Variants in ATP6V0A2 observed in about 807,000 individuals in gnomAD.
The protein encoded by ATP6V0A2 is ATPase H+ transporting V0 subunit a2, also known as V-type proton ATPase 116 kDa subunit a 2.
In ATP6V0A2, 58 loss-of-function variants were observed where a neutral mutation model predicts 104.4. That is an observed-to-expected ratio of 0.56 (90% CI 0.45 to 0.69). ATP6V0A2 has a LOEUF of 0.69. Ranked by LOEUF, ATP6V0A2 falls within the 30% of genes least tolerant of loss-of-function variation. The probability of loss-of-function intolerance (pLI) is 0.00; values close to 1 mark genes in which losing one functional copy is unlikely to be tolerated. For synonymous variants in ATP6V0A2, 376 were observed against 397.9 expected (o/e 0.95, Z 0.65); for missense variants, 938 against 1,062.9 (o/e 0.88, Z 1.63).
At chr12:123,724,927 T>C in intron 4 of ATP6V0A2, 136 bp downstream of exon 4, 1 of 569,990 alleles carries the variant, frequency 1.8e-6, no homozygotes, top group Non-Finnish European at 2.7e-6. Context: ...AATTTATTTA[T>C]TTATTTAATT....
chr12:123,734,627 G>A (rs539864236), intron 7 of ATP6V0A2, among the ~76,000 whole-genome samples: 60 of 152,342 alleles, frequency 3.9e-4, no homozygotes, highest in African/African-American at 1.4e-3. Flanking sequence ...ACAATAATCT[G>A]TGACTTAACT....
At position 123,743,753 on chromosome 12, in the gene ATP6V0A2, T is replaced by A. The variant is rs117654599; in HGVS notation, c.1039-32T>A. ...GGATAGTTATTTTCTTCTTGGATAG[T>A]AATTTTTTATCTTTCCTTGTTTATG... On this transcript the variant is annotated intron_variant, in intron 9 of 19. Transcript: ENST00000330342. 0.012 allele frequency: 19,112 copies of A among 1,612,700 alleles called. 152 individuals are homozygous for A. Among genetic ancestry groups the A allele is most frequent in the Non-Finnish European group, 0.014 (16,184 of 1,178,660 alleles).
chr12:123,735,024 T>C (rs984935163), intron 7 of ATP6V0A2, among the ~76,000 whole-genome samples: 9 of 152,240 alleles, frequency 5.9e-5, no homozygotes, highest in South Asian at 2.1e-4. Context: ...TGGCTGCAGT[T>C]TGGGGACACA....
At chr12:123,730,683 G>GT (rs1956493833) in intron 6 of ATP6V0A2, 1 of 152,136 alleles carries the variant, frequency 6.6e-6, no homozygotes, top group Non-Finnish European at 1.5e-5. Context: ...TATTTTTTGA[G>GT]TTTTTTCTTT....
intron 2 of ATP6V0A2, chr12:123,721,534 G>C (rs181804530): frequency 5.5e-6 from 1 of 182,420 alleles, no homozygotes; most frequent in Non-Finnish European, 1.2e-5. Context: ...TGCAGGTGTG[G>C]TCTGAGGTGC....
intron 18 of ATP6V0A2, chr12:123,756,574 C>T: frequency 1.9e-6 from 1 of 540,234 alleles, no homozygotes; most frequent in Non-Finnish European, 3.3e-6. Flanking sequence ...TGGGGCAAGA[C>T]CTCCCTTTGG....
chr12:123,724,368 A>G (rs1956427964), intron 3 of ATP6V0A2: 1 of 268,166 alleles, frequency 3.7e-6, no homozygotes, highest in Non-Finnish European at 6.6e-6. Context: ...TACTAACAAT[A>G]CAAAAAAAAA....
rs767462482 is a variant in ATP6V0A2, at chr12:123,743,808, C to T, written c.1062C>T (p.Pro354=). 1.2e-6 allele frequency: 2 copies of T among 1,614,124 alleles called. No homozygotes were observed. The highest frequency in any genetic ancestry group is 1.3e-5 in the African/African-American group (1 of 75,022). The change falls in exon 10 of 20, where the codon CCC becomes CCT. Residue 354 remains proline, a synonymous_variant. Coordinates refer to ENST00000330342, the MANE Select transcript of ATP6V0A2 (RefSeq NM_012463.4). The stretch of plus-strand genomic sequence containing the variant: ...AGAGAGAGAGTGGTGCTACAATCCC[C>T]TCATTCATGAATATAATCCCCACAA... The part of the protein sequence containing the change: ...EGSRESGATI[P]SFMNIIPTKE...
intron 3 of ATP6V0A2, 91 bp from the exon 4 acceptor site, chr12:123,724,563 A>C (rs1253270584): frequency 5.0e-6 from 7 of 1,396,286 alleles, no homozygotes; most frequent in South Asian, 2.5e-5. Flanking sequence ...AAACAAAAAA[A>C]CCCACTGTTT....
intron 8 of ATP6V0A2, 113 bp from the exon 9 acceptor site, chr12:123,736,946 C>A (rs559367025): frequency 1.9e-6 from 2 of 1,063,742 alleles, no homozygotes; most frequent in African/African-American, 3.1e-5. Context: ...AGGCAGGTGC[C>A]TGGAATGATC....
intron 14 of ATP6V0A2, among the ~76,000 whole-genome samples, chr12:123,748,260 G>T (rs959644568): frequency 6.6e-6 from 1 of 152,278 alleles, no homozygotes; most frequent in Non-Finnish European, 1.5e-5. Context: ...TTGTAACAAT[G>T]TAAGACACAG....
chr12:123,714,450 G>A (rs1223401733), intron 1 of ATP6V0A2, among the ~76,000 whole-genome samples: 1 of 152,166 alleles, frequency 6.6e-6, no homozygotes. Context: ...GGGGCAGGTG[G>A]TGACTTCCGT....
chr12:123,750,043 T>TATCATTATTTTTAAG (rs1956700056), intron 15 of ATP6V0A2: 1 of 152,244 alleles, frequency 6.6e-6, no homozygotes, highest in African/African-American at 2.4e-5. Flanking sequence ...TTAAGAATTG[T>TATCATTATTTTTAAG]ATTTTATCAT....
At chr12:123,753,582 C>T (rs757414570) in intron 17 of ATP6V0A2, among the ~76,000 whole-genome samples, 1 of 152,256 alleles carries the variant, frequency 6.6e-6, no homozygotes, top group Non-Finnish European at 1.5e-5. Context: ...TGATTACCTC[C>T]TCAAAGGTTC....
At chr12:123,745,074 C>T in intron 13 of ATP6V0A2, 102 bp downstream of exon 13, 2 of 1,191,396 alleles carry the variant, frequency 1.7e-6, no homozygotes, top group Non-Finnish European at 2.5e-6. Flanking sequence ...GTTCACGCTG[C>T]CCTGAGCGGG....
At chr12:123,751,342 C>T (rs1316522378) in intron 16 of ATP6V0A2, 113 bp downstream of exon 16, 2 of 1,503,790 alleles carry the variant, frequency 1.3e-6, no homozygotes, top group African/African-American at 1.4e-5. Flanking sequence ...ATTTAAAAGC[C>T]AAAGCTCCCT....
chr12:123,725,288 T>C (rs1245117347), intron 4 of ATP6V0A2, among the ~76,000 whole-genome samples: 1 of 152,296 alleles, frequency 6.6e-6, no homozygotes, highest in East Asian at 1.9e-4. Context: ...TATATGACTT[T>C]AAATAAAGTT....
chr12:123,746,298 C>T (rs1327542817), intron 13 of ATP6V0A2, among the ~76,000 whole-genome samples: 4 of 151,328 alleles, frequency 2.6e-5, no homozygotes, highest in South Asian at 2.1e-4. Context: ...CAAAAGTAAA[C>T]CAATGTGTGT....
At chr12:123,755,436 T>C (rs1018377098) in intron 18 of ATP6V0A2, among the ~76,000 whole-genome samples, 2 of 150,702 alleles carry the variant, frequency 1.3e-5, no homozygotes, top group African/African-American at 4.9e-5. Context: ...CTCAGGAGGC[T>C]GAGGCAGGAG....
Sources: allele counts gnomAD v4.1 joint callset (sites outside exome capture counted in the v4.1 genomes callset), GRCh38; gene constraint gnomAD v4.1.1; transcripts MANE v1.5; gene names NCBI Gene and HGNC (gene_info 2026-07-23, HGNC 2026-07-21).